The following ATP6V1E1 variants were observed in gnomAD, a reference collection of about 807,000 sequenced individuals.
ATP6V1E1 encodes the protein ATPase H+ transporting V1 subunit E1.
A neutral mutation model predicts 35.2 loss-of-function variants in ATP6V1E1; 21 were observed. The ratio of observed to expected loss-of-function variants is 0.60; its 90% CI spans 0.42 to 0.86. The LOEUF is 0.86. ATP6V1E1 is among the 40% of genes least tolerant of loss of function. The probability of loss-of-function intolerance (pLI) is 0.00; values close to 1 mark genes in which losing one functional copy is unlikely to be tolerated. For synonymous variants in ATP6V1E1, 83 were observed against 87.8 expected, an observed-to-expected ratio of 0.95 and a Z score of 0.30; for missense variants, 183 against 272.6, an observed-to-expected ratio of 0.67 and a Z score of 2.32.
At chr22:17,597,977 A>T (rs1402842635) in intron 7 of ATP6V1E1, 2 of 524,790 alleles carry the variant, frequency 3.8e-6, no homozygotes, top group Non-Finnish European at 6.8e-6. Context: ...GCACCTGGCC[A>T]AACTAGACTT....
chr22:17,628,765 T>A (rs1196137536), upstream of ATP6V1E1: 2 of 1,272,908 alleles, frequency 1.6e-6, no homozygotes, highest in Admixed American at 3.5e-5. Context: ...CGGGTTCCGG[T>A]TCCTGCCAGG....
chr22:17,608,572 T>G (rs1427674453), intron 4 of ATP6V1E1, among the ~76,000 whole-genome samples: 2 of 152,108 alleles, frequency 1.3e-5, no homozygotes, highest in African/African-American at 4.8e-5. Context: ...ACCACAGGCA[T>G]GCGCTACCAC....
chr22:17,594,468 G>C, intron 8 of ATP6V1E1, 61 bp downstream of exon 8: 1 of 1,285,666 alleles, frequency 7.8e-7, no homozygotes. Context: ...ATGGACACGT[G>C]TTCTCTGTCC....
At chr22:17,606,364 G>A (rs923271258) in intron 4 of ATP6V1E1, among the ~76,000 whole-genome samples, 5 of 131,784 alleles carry the variant, frequency 3.8e-5, no homozygotes, top group Admixed American at 2.9e-4. Context: ...GCATGTATGT[G>A]TGCTTTTATG....
At chr22:17,606,860 A>AT (rs2057789267) in intron 4 of ATP6V1E1, among the ~76,000 whole-genome samples, 1 of 152,212 alleles carries the variant, frequency 6.6e-6, no homozygotes, top group African/African-American at 2.4e-5. Context: ...TGAACACTGT[A>AT]TTAGAGACCA....
At chr22:17,625,271 A>G (rs1371126714) in intron 1 of ATP6V1E1, among the ~76,000 whole-genome samples, 1 of 151,866 alleles carries the variant, frequency 6.6e-6, no homozygotes, top group Non-Finnish European at 1.5e-5. Context: ...CCAACGAAAA[A>G]CTTTTTTTTT....
At chr22:17,605,224 G>GAA (rs1306290383) in intron 4 of ATP6V1E1, among the ~76,000 whole-genome samples, 1 of 115,938 alleles carries the variant, frequency 8.6e-6, no homozygotes, top group Non-Finnish European at 1.7e-5. Context: ...AAAAAAAAAA[G>GAA]AAAAGAAAAG....
At position 17,614,237 on chromosome 22, in the gene ATP6V1E1, C is replaced by G. The variant is rs545818774; in HGVS notation, c.100-917G>C. ...TGGCGGCGCATGCCTGTAATCCCAGCTAGTCGGAAGGCTGAGGGAGGAGAA... is the reference window on the plus strand; with the variant it reads ...TGGCGGCGCATGCCTGTAATCCCAGGTAGTCGGAAGGCTGAGGGAGGAGAA... On this transcript the variant is annotated intron_variant, in intron 2 of 8. Coordinates refer to ENST00000253413, the MANE Select transcript of ATP6V1E1 (RefSeq NM_001696.4). Among the ~76,000 whole-genome samples, 53 of 151,552 alleles carry G rather than the reference C, an allele frequency of 3.5e-4. 1 individual carries two copies. The South Asian group carries it at 0.011, about 31-fold the overall frequency.
At chr22:17,598,905 G>A (rs932069874) in intron 6 of ATP6V1E1, among the ~76,000 whole-genome samples, 2 of 152,198 alleles carry the variant, frequency 1.3e-5, no homozygotes, top group African/African-American at 4.8e-5. Flanking sequence ...GCCAAAAGGT[G>A]GGAGTAACCC....
chr22:17,606,486 AAAAAG>A (rs1482517273), intron 4 of ATP6V1E1, among the ~76,000 whole-genome samples: 1 of 65,412 alleles, frequency 1.5e-5, no homozygotes, highest in Non-Finnish European at 3.5e-5. Context: ...TAAGCGGTTA[AAAAAG>A]AAACAAGTAT....
At chr22:17,596,562 G>A (rs1053498920) in intron 7 of ATP6V1E1, among the ~76,000 whole-genome samples, 2 of 151,972 alleles carry the variant, frequency 1.3e-5, no homozygotes, top group Non-Finnish European at 2.9e-5. Context: ...TTCCAGCCAT[G>A]AGAATCATGA....
rs190025496 is a variant in ATP6V1E1 at position 17,612,130 on chromosome 22, T to A, written c.276+682A>T. Among the ~76,000 whole-genome samples the A allele has an allele frequency of 1.7e-3, 266 of 152,294 alleles. 1 individual carries two copies. Among genetic ancestry groups the A allele is most frequent in the African/African-American group, 6.1e-3 (254 of 41,560 alleles). On this transcript the variant is annotated intron_variant, in intron 4 of 8. Transcript: ENST00000253413. The stretch of plus-strand genomic sequence containing the variant: ...TATATTTTCTGCTTGAATAACCGTA[T>A]CTGCAAAGATGGTAATTTCGTTTCT...
Position 17,627,677 on chromosome 22 carries a change from C to A in ATP6V1E1, c.33+926G>T, listed in dbSNP as rs546557291. 2.3e-3 allele frequency among the ~76,000 whole-genome samples: 354 copies of A among 150,938 alleles called. 1 individual carries two copies. Among genetic ancestry groups the A allele is most frequent in the Non-Finnish European group, 3.8e-3 (260 of 67,706 alleles). On this transcript the variant is annotated intron_variant, in intron 1 of 8. Transcript: ENST00000253413. ...CTACTAAAAAAAATACAAAAATTAGCCGGGCTTGGGGCGCGAGTCTGTAAT... is the reference window on the plus strand; with the variant it reads ...CTACTAAAAAAAATACAAAAATTAGACGGGCTTGGGGCGCGAGTCTGTAAT...
At chr22:17,604,606 G>A (rs940258837) in intron 4 of ATP6V1E1, among the ~76,000 whole-genome samples, 1 of 149,438 alleles carries the variant, frequency 6.7e-6, no homozygotes, top group Non-Finnish European at 1.5e-5. Context: ...TGCAACCTCC[G>A]CCCCCTGGGT....
rs550275297 is a variant in ATP6V1E1 at position 17,599,686 on chromosome 22, G to A, written c.435+341C>T. 4.0e-5 allele frequency among the ~76,000 whole-genome samples: 6 copies of A among 150,432 alleles called. No individual in the cohort carries two copies. In the South Asian group the frequency reaches 6.3e-4, roughly 16 times the overall value. ...TGTAATCCCAGCACTTTGGGAGGAC[G>A]AGGCGGGTGGATCACCTGAGGTCAG... On this transcript the variant is annotated intron_variant, in intron 6 of 8. Transcript: ENST00000253413.
In ATP6V1E1 at chr22:17,592,514, A is replaced by C. The variant is rs941957087; in HGVS notation, c.*160T>G. ...CATGAAGCTTTCCACCATTGTGAACAATTAGGCAAGGCATGAGTGACAGAG... is the reference window on the plus strand; with the variant it reads ...CATGAAGCTTTCCACCATTGTGAACCATTAGGCAAGGCATGAGTGACAGAG... On this transcript the variant is annotated 3_prime_UTR_variant, in exon 9 of 9. Coordinates refer to ENST00000253413, the MANE Select transcript of ATP6V1E1 (RefSeq NM_001696.4). 6 of 750,968 alleles carry C rather than the reference A, an allele frequency of 8.0e-6. No individual in the cohort carries two copies. Among genetic ancestry groups the C allele is most frequent in the Non-Finnish European group, 1.1e-5 (5 of 448,442 alleles). 46.5% of individuals were successfully genotyped at this position (750,968 alleles called of 1,614,324 possible).
chr22:17,620,932 G>A (rs2057873471), intron 1 of ATP6V1E1, among the ~76,000 whole-genome samples: 1 of 152,078 alleles, frequency 6.6e-6, no homozygotes, highest in African/African-American at 2.4e-5. Flanking sequence ...CGTGGTGGCG[G>A]GCGCCTGTAG....
intron 4 of ATP6V1E1, among the ~76,000 whole-genome samples, chr22:17,608,668 C>A (rs1179374597): frequency 6.6e-6 from 1 of 152,224 alleles, no homozygotes; most frequent in Non-Finnish European, 1.5e-5. Flanking sequence ...CCTCAAGCCA[C>A]ACTCCCACCT....
chr22:17,596,993 A>G (rs905158631), intron 7 of ATP6V1E1, among the ~76,000 whole-genome samples: 1 of 152,060 alleles, frequency 6.6e-6, no homozygotes, highest in Non-Finnish European at 1.5e-5. Flanking sequence ...CTGTAATCCC[A>G]GCACTTTGGG....
Sources: allele counts gnomAD v4.1 joint callset (sites outside exome capture counted in the v4.1 genomes callset), GRCh38; gene constraint gnomAD v4.1.1; transcripts MANE v1.5; gene names NCBI Gene and HGNC (gene_info 2026-07-23, HGNC 2026-07-21).